The following VTI1A variants were observed in gnomAD, a reference collection of about 807,000 sequenced individuals.
The protein encoded by VTI1A is vesicle transport through interaction with t-SNAREs homolog 1A.
Under a neutral mutation model 34.9 loss-of-function variants are expected in VTI1A, and 22 were observed. That is an observed-to-expected ratio of 0.63 (90% CI 0.45 to 0.90). The LOEUF (loss-of-function observed/expected upper bound fraction) is 0.90. Ranked by LOEUF, VTI1A falls within the 40% of genes least tolerant of loss-of-function variation. VTI1A has a pLI of 0.00. For missense variants in VTI1A, 268 were observed against 275.6 expected, an observed-to-expected ratio of 0.97 and a Z score of 0.20; for synonymous variants, 87 against 97.3, an observed-to-expected ratio of 0.89 and a Z score of 0.62.
At position 112,503,149 on chromosome 10, in the gene VTI1A, T is replaced by G. The variant is rs544868230; in HGVS notation, c.265-23938T>G. On this transcript the variant is annotated intron_variant, in intron 3 of 7. Coordinates refer to ENST00000393077, the MANE Select transcript of VTI1A (RefSeq NM_145206.4). The stretch of plus-strand genomic sequence containing the variant: ...TAATTATTCTCTTGTGGTATTGAAA[T>G]GTACAGTAGATTAATGTTAACTCTA... Among the ~76,000 whole-genome samples the G allele has an allele frequency of 3.9e-5, 6 of 152,318 alleles. 1 individual carries two copies. In the South Asian group the frequency reaches 1.2e-3, roughly 32 times the overall value.
rs375806856 is a variant in VTI1A at position 112,543,363 on chromosome 10, C to T, written c.427+5033C>T. On this transcript the variant is annotated intron_variant, in intron 5 of 7. Coordinates refer to ENST00000393077, the MANE Select transcript of VTI1A (RefSeq NM_145206.4). ...TGTTGTTTCCTGACTTTTTAATGAT[C>T]GCCATTCTAACTGGTGTGAGATGGT... is the stretch of plus-strand genomic sequence containing the variant. 1.2e-3 allele frequency among the ~76,000 whole-genome samples: 178 copies of T among 151,648 alleles called. 3 individuals are homozygous for T. In the East Asian group the frequency reaches 0.014, roughly 12 times the overall value.
At chr10:112,513,705 A>T (rs967521147) in intron 3 of VTI1A, among the ~76,000 whole-genome samples, 1 of 134,516 alleles carries the variant, frequency 7.4e-6, no homozygotes, top group South Asian at 2.6e-4. Context: ...GTTTAGGTAT[A>T]TTCCCTGTAT....
chr10:112,651,255 A>T (rs2133801340), intron 5 of VTI1A, among the ~76,000 whole-genome samples: 1 of 152,330 alleles, frequency 6.6e-6, no homozygotes, highest in Non-Finnish European at 1.5e-5. Context: ...AGTTTATAAT[A>T]TCTCAATGTC....
Position 112,460,505 on chromosome 10 carries a change from GTAT to G in VTI1A, c.95-14_95-12del. The G allele has an allele frequency of 6.3e-7, 1 of 1,587,394 alleles. No individual in the cohort carries two copies. The highest frequency in any genetic ancestry group is 8.5e-7 in the Non-Finnish European group (1 of 1,171,954). On this transcript the variant is annotated splice_polypyrimidine_tract_variant and intron_variant, in intron 1 of 7. Coordinates refer to ENST00000393077, the MANE Select transcript of VTI1A (RefSeq NM_145206.4). ...TATTTGTATCTTTAGCAATTTCTTGGTATTATTGTTTGTTTCAGATGAAAAGAA... is the reference window on the plus strand; with the variant it reads ...TATTTGTATCTTTAGCAATTTCTTGGTATTGTTTGTTTCAGATGAAAAGAA...
the VTI1A span, among the ~76,000 whole-genome samples, chr10:112,830,872 C>G: frequency 5.3e-5 from 3 of 57,024 alleles, no homozygotes; most frequent in Non-Finnish European, 9.9e-5. Context: ...TTCTTGTAGA[C>G]AGGGTCTCAC....
At chr10:112,852,247 T>A in the VTI1A span, among the ~76,000 whole-genome samples, 1 of 152,206 alleles carries the variant, frequency 6.6e-6, no homozygotes, top group Non-Finnish European at 1.5e-5. Context: ...TTTAGATGAT[T>A]CCAATGATTC....
chr10:112,605,254 C>T (rs1373778722), intron 5 of VTI1A, among the ~76,000 whole-genome samples: 1 of 152,140 alleles, frequency 6.6e-6, no homozygotes, highest in Non-Finnish European at 1.5e-5. Flanking sequence ...GTAGTGTCCC[C>T]TTGCCTTCCT....
At chr10:112,728,192 A>C in intron 7 of VTI1A, among the ~76,000 whole-genome samples, 3 of 149,772 alleles carry the variant, frequency 2.0e-5, no homozygotes, top group South Asian at 2.1e-4. Flanking sequence ...TCTTCCCCCC[A>C]CCCCCCTCAA....
At chr10:112,550,977 C>G (rs1256721011) in intron 5 of VTI1A, among the ~76,000 whole-genome samples, 1 of 152,128 alleles carries the variant, frequency 6.6e-6, no homozygotes, top group Non-Finnish European at 1.5e-5. Context: ...GGCGCGGTGG[C>G]TCACGCCTGT....
At chr10:112,669,102 C>A in intron 7 of VTI1A, 104 bp downstream of exon 7, 1 of 1,312,762 alleles carries the variant, frequency 7.6e-7, no homozygotes, top group Non-Finnish European at 1.1e-6. Flanking sequence ...TGAGCTTCTG[C>A]TCTTAGTACC....
intron 5 of VTI1A, among the ~76,000 whole-genome samples, chr10:112,637,672 G>A (rs998102212): frequency 2.0e-5 from 3 of 151,982 alleles, no homozygotes; most frequent in Non-Finnish European, 2.9e-5. Context: ...AAAAAAAACA[G>A]CTGTATAAAA....
chr10:112,644,673 G>A (rs1440536367), intron 5 of VTI1A, among the ~76,000 whole-genome samples: 2 of 152,166 alleles, frequency 1.3e-5, no homozygotes, highest in Admixed American at 6.5e-5. Context: ...GATTAGAGCT[G>A]TAAATGCTTT....
chr10:112,572,486 A>T (rs1365161914), intron 5 of VTI1A, among the ~76,000 whole-genome samples: 2 of 152,240 alleles, frequency 1.3e-5, no homozygotes, highest in Admixed American at 1.3e-4. Flanking sequence ...GAAAGTCATG[A>T]AACTATCATT....
At chr10:112,642,597 G>T (rs1846614710) in intron 5 of VTI1A, among the ~76,000 whole-genome samples, 1 of 151,128 alleles carries the variant, frequency 6.6e-6, no homozygotes, top group Non-Finnish European at 1.5e-5. Context: ...TACACTCATA[G>T]TATACAGGGT....
At chr10:112,487,656 T>C (rs1848690179) in intron 3 of VTI1A, among the ~76,000 whole-genome samples, 1 of 152,182 alleles carries the variant, frequency 6.6e-6, no homozygotes, top group East Asian at 1.9e-4. Context: ...AGCTATTCTG[T>C]CTGGAATTCT....
At position 112,816,885 on chromosome 10, in the gene VTI1A, T is replaced by C. The variant is rs1462043053; in HGVS notation, c.*1502T>C. 4.3e-6 allele frequency: 1 copy of C among 230,142 alleles called. No individual in the cohort carries two copies. Among genetic ancestry groups the C allele is most frequent in the Admixed American group, 5.7e-5 (1 of 17,672 alleles). The allele number at this position is 230,142 out of a possible 1,614,324, so 14.3% of individuals were successfully genotyped here. A position where few individuals can be genotyped will look rare whatever the true frequency, so the allele number is the denominator to read the frequency against. On this transcript the variant is annotated 3_prime_UTR_variant, in exon 8 of 8. Coordinates refer to ENST00000393077, the MANE Select transcript of VTI1A (RefSeq NM_145206.4). ...AGAATGGCAGAATCCACCAGAGAAA[T>C]TGCACTTATCGAAACAGGCCAAGGC... is the stretch of plus-strand genomic sequence containing the variant.
intron 7 of VTI1A, among the ~76,000 whole-genome samples, chr10:112,812,071 C>T (rs565469401): frequency 3.3e-5 from 5 of 152,220 alleles, no homozygotes; most frequent in Admixed American, 6.5e-5. Flanking sequence ...CTTGATGTTT[C>T]GGGCCCACAT....
chr10:112,583,465 G>T (rs140596577), intron 5 of VTI1A, among the ~76,000 whole-genome samples: 1 of 152,196 alleles, frequency 6.6e-6, no homozygotes, highest in Non-Finnish European at 1.5e-5. Flanking sequence ...ATGCAGTTCC[G>T]TCTTTCAGTC....
At chr10:112,526,980 A>G (rs2134222281) in intron 3 of VTI1A, 107 bp from the exon 4 acceptor site, 1 of 1,025,220 alleles carries the variant, frequency 9.8e-7, no homozygotes, top group Non-Finnish European at 1.4e-6. Flanking sequence ...ATAGGTTTCC[A>G]TTAGGGGGCT....
Sources: allele counts gnomAD v4.1 joint callset (sites outside exome capture counted in the v4.1 genomes callset), GRCh38; gene constraint gnomAD v4.1.1; transcripts MANE v1.5; gene names NCBI Gene and HGNC (gene_info 2026-07-23, HGNC 2026-07-21).